PCDH11X: variants seen among roughly 807,000 people sequenced by gnomAD.
PCDH11X encodes the protein protocadherin-11 X-linked.
A neutral mutation model predicts 53.3 loss-of-function variants in PCDH11X; 18 were observed. The ratio of observed to expected loss-of-function variants is 0.34; its 90% CI spans 0.23 to 0.50. PCDH11X has a LOEUF of 0.50. Among genes scored for constraint, PCDH11X ranks in the 20% least tolerant of loss-of-function variants. The pLI, the probability that PCDH11X is intolerant of heterozygous loss-of-function variation, is 0.98. For synonymous variants in PCDH11X, 279 were observed against 393.3 expected (o/e 0.71, Z 3.44); for missense variants, 570 against 1,032.4 (o/e 0.55, Z 6.14).
intron 6 of PCDH11X, among the ~76,000 whole-genome samples, chrX:92,152,400 T>C (rs1053210071): frequency 1.8e-5 from 2 of 110,958 alleles, no homozygotes; most frequent in Admixed American, 9.7e-5. Context: ...TTTCCCCAAA[T>C]TAAAAAAAAT....
chrX:92,603,629 GA>G (rs1167044215), intron 10 of PCDH11X, among the ~76,000 whole-genome samples: 7 of 97,887 alleles, frequency 7.2e-5, no homozygotes, highest in Admixed American at 1.1e-4. Flanking sequence ...AGAGTCGTAA[GA>G]AAAAAAAAAG....
intron 6 of PCDH11X, among the ~76,000 whole-genome samples, chrX:92,029,097 G>T (rs2525247): frequency 9.0e-6 from 1 of 111,177 alleles, no homozygotes; most frequent in Non-Finnish European, 1.9e-5. Flanking sequence ...TACACTCCCC[G>T]GGAGTAGCTT....
intron 1 of PCDH11X, among the ~76,000 whole-genome samples, chrX:91,807,403 C>T (rs1471682860): frequency 2.7e-5 from 3 of 109,751 alleles, no homozygotes; most frequent in Non-Finnish European, 5.7e-5. Flanking sequence ...AAGGCAGCAA[C>T]TGGAATTGAC....
At chrX:92,130,466 A>G (rs1297086673) in intron 6 of PCDH11X, among the ~76,000 whole-genome samples, 1 of 110,268 alleles carries the variant, frequency 9.1e-6, no homozygotes, top group African/African-American at 3.3e-5. Context: ...CCTGACCAAC[A>G]TGGAGAAACC....
chrX:92,505,248 G>A (rs1487701040), intron 10 of PCDH11X, among the ~76,000 whole-genome samples: 2 of 80,881 alleles, frequency 2.5e-5, no homozygotes, highest in Non-Finnish European at 4.8e-5. Flanking sequence ...AATTTCTTTC[G>A]GTGTCTTCAT....
chrX:92,345,708 G>T (rs1462786415), intron 8 of PCDH11X, among the ~76,000 whole-genome samples: 2 of 109,481 alleles, frequency 1.8e-5, no homozygotes, highest in Non-Finnish European at 3.8e-5. Flanking sequence ...TTTCCTTCCC[G>T]CATTATAGGA....
chrX:91,893,722 A>T lies in PCDH11X; in HGVS notation c.3033+14449A>T, dbSNP rs1291832356. On this transcript the variant is annotated intron_variant, in intron 6 of 10. Coordinates refer to ENST00000682573, the MANE Select transcript of PCDH11X (RefSeq NM_032968.5). ...AGTTATCAATTTCGGGAAAACATGA[A>T]CAGATGGAGAAACCATGGGATATCA... Among the ~76,000 whole-genome samples, 3 of 111,012 alleles carry T rather than the reference A, an allele frequency of 2.7e-5. No homozygotes were observed. In the Admixed American group the frequency reaches 2.9e-4, roughly 11 times the overall value.
intron 6 of PCDH11X, among the ~76,000 whole-genome samples, chrX:91,886,881 G>A (rs1163136930): frequency 2.1e-3 from 215 of 104,287 alleles, no homozygotes; most frequent in African/African-American, 7.4e-3. Flanking sequence ...TGAGGCAGGA[G>A]AATGGCATGA....
At position 92,060,033 on chromosome X, in the gene PCDH11X, A is replaced by G. The variant is rs1468775290; in HGVS notation, c.3034-141342A>G. ...GTTCTTCTTTTTTATTCATAGGTAT[A>G]GATTGTTGCAAGCACTAAAATTATA... On this transcript the variant is annotated intron_variant, in intron 6 of 10. Coordinates refer to ENST00000682573, the MANE Select transcript of PCDH11X (RefSeq NM_032968.5). Among the ~76,000 whole-genome samples the G allele has an allele frequency of 5.4e-5, 6 of 111,009 alleles. No homozygotes were observed. In the South Asian group the frequency reaches 2.2e-3, roughly 42 times the overall value.
At chrX:92,131,770 C>T (rs2064975652) in intron 6 of PCDH11X, among the ~76,000 whole-genome samples, 1 of 110,409 alleles carries the variant, frequency 9.1e-6, no homozygotes, top group South Asian at 3.9e-4. Flanking sequence ...CTTATCTTGT[C>T]TCCTGCTAAA....
At chrX:92,494,158 C>T (rs2750818) in intron 10 of PCDH11X, among the ~76,000 whole-genome samples, 5 of 110,704 alleles carry the variant, frequency 4.5e-5, no homozygotes, top group African/African-American at 1.3e-4. Flanking sequence ...TGAACTCAAA[C>T]GCAATTCAAA....
intron 7 of PCDH11X, among the ~76,000 whole-genome samples, chrX:92,205,725 C>T (rs1465199540): frequency 9.2e-6 from 1 of 108,450 alleles, no homozygotes; most frequent in Admixed American, 1.0e-4. Context: ...CTCAGCCTCC[C>T]AAGTAGCTGG....
intron 10 of PCDH11X, among the ~76,000 whole-genome samples, chrX:92,481,701 G>T (rs143570698): frequency 7.2e-5 from 8 of 111,719 alleles, no homozygotes; most frequent in Non-Finnish European, 1.5e-4. Flanking sequence ...AGTCAAGCCT[G>T]GGGGGTGAGA....
chrX:92,551,821 A>T (rs1351784410), intron 10 of PCDH11X, among the ~76,000 whole-genome samples: 7 of 110,259 alleles, frequency 6.3e-5, no homozygotes, highest in Non-Finnish European at 9.5e-5. Context: ...TCCCAAGAGT[A>T]TGTTCTTGGC....
At chrX:92,356,995 A>G (rs1341851965) in intron 8 of PCDH11X, among the ~76,000 whole-genome samples, 3 of 111,413 alleles carry the variant, frequency 2.7e-5, no homozygotes, top group South Asian at 3.8e-4. Flanking sequence ...TGAAAATGCA[A>G]TAAGTACTGA....
intron 1 of PCDH11X, among the ~76,000 whole-genome samples, chrX:91,806,870 T>C (rs5984821): frequency 0.33 from 36,163 of 111,041 alleles, 4,894 homozygotes; most frequent in African/African-American, 0.52. Context: ...TCATAGTTTC[T>C]GCAAAATCTG....
chrX:92,342,576 A>G (rs2069790145), intron 8 of PCDH11X, among the ~76,000 whole-genome samples: 1 of 112,003 alleles, frequency 8.9e-6, no homozygotes, highest in African/African-American at 3.2e-5. Context: ...TTTCGAGGCC[A>G]TTTTCCTAAG....
rs1730693461 is a variant in PCDH11X, at chrX:92,374,813, CA to C, written c.3145-12921del. 4.5e-5 allele frequency among the ~76,000 whole-genome samples: 5 copies of C among 110,218 alleles called. No homozygotes were observed. In the Admixed American group the frequency reaches 4.9e-4, roughly 11 times the overall value. ...CAGGTTTTAAAGTGATAATCCATAT[CA>C]CCATGTGTGAAATGTAATTCAGATC... On this transcript the variant is annotated intron_variant, in intron 8 of 10. Transcript: ENST00000682573.
chrX:92,279,649 C>T (rs775082085), intron 8 of PCDH11X, among the ~76,000 whole-genome samples: 42 of 112,227 alleles, frequency 3.7e-4, no homozygotes, highest in South Asian at 1.8e-3. Flanking sequence ...TTTAAACAAA[C>T]GCTCCTATTA....
Sources: allele counts gnomAD v4.1 joint callset (sites outside exome capture counted in the v4.1 genomes callset), GRCh38; gene constraint gnomAD v4.1.1; transcripts MANE v1.5; gene names NCBI Gene and HGNC (gene_info 2026-07-23, HGNC 2026-07-21).